Variants in NDUFAF6 observed in about 807,000 individuals in gnomAD.
NDUFAF6 encodes the protein NADH:ubiquinone oxidoreductase complex assembly factor 6.
Under a neutral mutation model 40.8 loss-of-function variants are expected in NDUFAF6, and 45 were observed. The observed-to-expected ratio is 1.10, with a 90% CI of 0.87 to 1.42. The LOEUF (loss-of-function observed/expected upper bound fraction) is 1.42. NDUFAF6 is among the 40% of genes most tolerant of loss of function. The probability of loss-of-function intolerance (pLI) is 0.00; values close to 1 mark genes in which losing one functional copy is unlikely to be tolerated. For missense variants in NDUFAF6, 435 were observed against 418.5 expected, an observed-to-expected ratio of 1.04 and a Z score of -0.34; for synonymous variants, 185 against 155.9, an observed-to-expected ratio of 1.19 and a Z score of -1.39.
At chr8:95,068,546 G>A (rs1046847162) in intron 9 of NDUFAF6, 1 of 151,862 alleles carries the variant, frequency 6.6e-6, no homozygotes, top group African/African-American at 2.4e-5. Context: ...CCAGCAATAG[G>A]AAGAACTGGG....
intron 2 of NDUFAF6, among the ~76,000 whole-genome samples, chr8:95,084,245 G>T (rs766748798): frequency 6.6e-6 from 1 of 151,614 alleles, no homozygotes; most frequent in African/African-American, 2.4e-5. Context: ...TCCATTTAAT[G>T]AATTTTTAAG....
chr8:95,013,108 T>G (rs1468263834), intron 2 of NDUFAF6, among the ~76,000 whole-genome samples: 2 of 151,046 alleles, frequency 1.3e-5, no homozygotes, highest in Non-Finnish European at 3.0e-5. Context: ...TTCTTCTCCT[T>G]TTTTTTTTCT....
chr8:95,113,766 C>T (rs1810061027), intron 4 of NDUFAF6, among the ~76,000 whole-genome samples: 1 of 152,132 alleles, frequency 6.6e-6, no homozygotes, highest in South Asian at 2.1e-4. Context: ...ATCACATGAA[C>T]CCGGGAGGCA....
downstream of NDUFAF6, among the ~76,000 whole-genome samples, chr8:95,062,932 CTG>C (rs1832607205): frequency 6.6e-6 from 1 of 152,120 alleles, no homozygotes; most frequent in African/African-American, 2.4e-5. Context: ...GAAGTACAAA[CTG>C]GATATGAGAA....
intron 1 of NDUFAF6, among the ~76,000 whole-genome samples, chr8:94,903,156 G>A (rs1341760194): frequency 6.6e-6 from 1 of 152,120 alleles, no homozygotes; most frequent in Non-Finnish European, 1.5e-5. Context: ...GATCGATTGA[G>A]CCTAGGAGTT....
In NDUFAF6 at chr8:94,981,740, C is replaced by T. The variant is rs72679219; in HGVS notation, c.-84+767C>T. 5.6e-3 allele frequency among the ~76,000 whole-genome samples: 848 copies of T among 152,256 alleles called. 5 individuals are homozygous for T. Among genetic ancestry groups the T allele is most frequent in the Middle Eastern group, 0.014 (4 of 294 alleles). ...AGAATTTGTTGCCTTTTGACCAATG[C>T]TTCCATGAGAGAGCTGATATTCTGA... On this transcript the variant is annotated intron_variant, in intron 2 of 9. Coordinates refer to the NDUFAF6 transcript ENST00000396111.
intron 2 of NDUFAF6, among the ~76,000 whole-genome samples, chr8:94,989,955 G>T (rs1439533670): frequency 6.6e-6 from 1 of 152,156 alleles, no homozygotes; most frequent in East Asian, 1.9e-4. Flanking sequence ...GTCTTGAACT[G>T]CTAGGCTCAT....
At chr8:94,981,204 G>T (rs1156646120) in intron 2 of NDUFAF6, among the ~76,000 whole-genome samples, 1 of 152,168 alleles carries the variant, frequency 6.6e-6, no homozygotes, top group African/African-American at 2.4e-5. Flanking sequence ...TTCTGGATTA[G>T]TTCCCATGAG....
chr8:94,966,245 G>A (rs1480533921), intron 1 of NDUFAF6, among the ~76,000 whole-genome samples: 1 of 152,152 alleles, frequency 6.6e-6, no homozygotes, highest in African/African-American at 2.4e-5. Flanking sequence ...GGACCCTGGG[G>A]ACTTCACATG....
chr8:95,056,145 A>G (rs933994116), intron 8 of NDUFAF6, among the ~76,000 whole-genome samples: 1 of 152,056 alleles, frequency 6.6e-6, no homozygotes, highest in Non-Finnish European at 1.5e-5. Flanking sequence ...GTATCTACCT[A>G]TAGTACCTTC....
chr8:95,088,017 G>C (rs1056455123), intron 2 of NDUFAF6: 4 of 152,474 alleles, frequency 2.6e-5, no homozygotes, highest in Middle Eastern at 3.4e-3. Flanking sequence ...AACTCTTCTT[G>C]GCAGCACTGA....
chr8:94,935,484 GA>G (rs1820891944), intron 1 of NDUFAF6, among the ~76,000 whole-genome samples: 1 of 152,218 alleles, frequency 6.6e-6, no homozygotes, highest in African/African-American at 2.4e-5. Flanking sequence ...TAAAAAGCCA[GA>G]AGGCAGAGAT....
Position 95,039,463 on chromosome 8 carries a change from A to AGC in NDUFAF6, c.421-2106_421-2105insCG, listed in dbSNP as rs1554672247. ...CGAGACTCTGTCTCAAAAAAAAAAA[A>AGC]GGGGGGGTTTCACTGTGTTGCCCAG... On this transcript the variant is annotated intron_variant, in intron 3 of 8. Transcript: ENST00000396124. Among the ~76,000 whole-genome samples the AGC allele has an allele frequency of 4.8e-3, 718 of 149,172 alleles. 6 individuals carry two copies. Among genetic ancestry groups the AGC allele is most frequent in the African/African-American group, 0.016 (634 of 40,100 alleles).
intron 2 of NDUFAF6, among the ~76,000 whole-genome samples, chr8:95,009,054 G>T (rs1827121271): frequency 6.6e-6 from 1 of 151,892 alleles, no homozygotes; most frequent in Non-Finnish European, 1.5e-5. Context: ...AAAAAAATTA[G>T]CCTGGCTTGG....
intron 2 of NDUFAF6, among the ~76,000 whole-genome samples, chr8:94,947,608 G>C (rs1586762357): frequency 6.6e-6 from 1 of 152,196 alleles, no homozygotes; most frequent in Admixed American, 6.5e-5. Flanking sequence ...AGTTGTCTTT[G>C]CTTGTTCCAC....
At chr8:95,012,298 A>G (rs532739071) in intron 2 of NDUFAF6, among the ~76,000 whole-genome samples, 1 of 151,840 alleles carries the variant, frequency 6.6e-6, no homozygotes, top group South Asian at 2.1e-4. Flanking sequence ...AGGGCTCTTA[A>G]CTCTTTTCTG....
chr8:94,976,373 G>A (rs1052675104), intron 1 of NDUFAF6, among the ~76,000 whole-genome samples: 14 of 149,478 alleles, frequency 9.4e-5, no homozygotes, highest in Non-Finnish European at 1.6e-4. Context: ...GTGTGGTGGC[G>A]CATCCCTGTA....
At chr8:95,048,905 AC>A (rs1276026895) in intron 7 of NDUFAF6, among the ~76,000 whole-genome samples, 1 of 151,898 alleles carries the variant, frequency 6.6e-6, no homozygotes, top group East Asian at 1.9e-4. Context: ...ACCCTCAGCC[AC>A]CCCCAGCTGG....
chr8:95,017,401 C>T (rs1002651892), intron 2 of NDUFAF6, among the ~76,000 whole-genome samples: 2 of 152,110 alleles, frequency 1.3e-5, no homozygotes, highest in Admixed American at 1.3e-4. Flanking sequence ...TCATCTCTCC[C>T]TCCCTCTCTT....
Sources: allele counts gnomAD v4.1 joint callset (sites outside exome capture counted in the v4.1 genomes callset), GRCh38; gene constraint gnomAD v4.1.1; transcripts MANE v1.5; gene names NCBI Gene and HGNC (gene_info 2026-07-23, HGNC 2026-07-21).